The following RFESD variants were observed in gnomAD, a reference collection of about 807,000 sequenced individuals.
RFESD encodes Rieske Fe-S domain containing.
In RFESD, 16 loss-of-function variants were observed where a neutral mutation model predicts 24.4. The ratio of observed to expected loss-of-function variants is 0.66; its 90% CI spans 0.44 to 1.00. The LOEUF is 1.00. Ranked by LOEUF, RFESD falls within the 50% of genes least tolerant of loss-of-function variation. The probability of loss-of-function intolerance (pLI) is 0.00; values close to 1 mark genes in which losing one functional copy is unlikely to be tolerated. For synonymous variants in RFESD, 59 were observed against 81.8 expected (o/e 0.72, Z 1.50); for missense variants, 208 against 247.0 (o/e 0.84, Z 1.06).
chr5:95,654,012 C>A (rs1750543037), intron 3 of RFESD, 49 bp from the exon 4 acceptor site: 5 of 1,539,472 alleles, frequency 3.2e-6, no homozygotes, highest in Non-Finnish European at 4.4e-6. Flanking sequence ...TAAGCTGGAA[C>A]CAAATTAGTG....
rs1289984123 is a variant in RFESD, at chr5:95,653,150, C to G, written c.94C>G (p.Leu32Val). Reference protein sequence around the residue: ...GILFPKLLACLVHLHFGHFSS... With the variant: ...GILFPKLLACVVHLHFGHFSS... ...TCTCTTCCCCAAGCTGTTGGCATGT[C>G]TAGTTCATTTGCATTTTGGGCATTT... Residue 32 changes from leucine (L) to valine (V), a missense_variant, in exon 3 of 6, where the codon CTA (leucine) becomes GTA (valine). Physicochemically the swap from Leu to Val is conservative, Grantham distance 32. Transcript: ENST00000380005. 1 of 1,551,710 alleles carries G rather than the reference C, an allele frequency of 6.4e-7. No individual in the cohort carries two copies. The highest frequency in any genetic ancestry group is 1.4e-5 in the African/African-American group (1 of 73,190).
rs377419639 is a variant in RFESD, at chr5:95,656,230, C to A, written c.554C>A (p.Thr185Asn). 25 of 1,613,444 alleles carry A rather than the reference C, an allele frequency of 1.5e-5. No individual in the cohort carries two copies. The African/African-American group carries it at 2.4e-4, about 16-fold the overall frequency. ...VTVDNGNIYV[T>N]LSNEPFKCDS... ...GTAGACAACGGAAATATTTATGTGA[C>A]TCTTTCTAATGAACCTTTTAAGTGT... Residue 185 changes from threonine to asparagine, a missense_variant, in exon 6 of 6, where the codon ACT becomes AAT. Thr to Asn is a moderately conservative substitution (Grantham distance 65). Coordinates refer to ENST00000380005, the MANE Select transcript of RFESD (RefSeq NM_001131066.2).
chr5:95,650,524 T>A (rs1350395918), intron 1 of RFESD, among the ~76,000 whole-genome samples: 1 of 152,228 alleles, frequency 6.6e-6, no homozygotes, highest in East Asian at 1.9e-4. Flanking sequence ...TAAAGCTCAC[T>A]CCTAACACAC....
rs780145449 is a variant in RFESD at position 95,654,137 on chromosome 5, A to G, written c.235A>G (p.Ile79Val). 1.2e-6 allele frequency: 2 copies of G among 1,612,198 alleles called. No homozygotes were observed. Among genetic ancestry groups the G allele is most frequent in the Admixed American group, 1.7e-5 (1 of 59,998 alleles). ...TGTGTGTGTGGGCAGAGAAGATGAC[A>G]TTAAAAAATCTGAAAGAATGACAGC... ...SSVCVGREDD[I>V]KKSERMTAVV... The change falls in exon 4 of 6, where the codon ATT becomes GTT. Residue 79 changes from isoleucine to valine, a missense_variant. Ile to Val is a conservative substitution (Grantham distance 29). Transcript: ENST00000380005.
At chr5:95,652,010 C>A in intron 1 of RFESD, 127 bp from the exon 2 acceptor site, 1 of 360,060 alleles carries the variant, frequency 2.8e-6, no homozygotes, top group Non-Finnish European at 5.0e-6. Flanking sequence ...CTTTATAGAA[C>A]AACCAAAGTT....
intron 1 of RFESD, among the ~76,000 whole-genome samples, chr5:95,648,695 T>C (rs1486287055): frequency 6.6e-6 from 1 of 152,174 alleles, no homozygotes; most frequent in Non-Finnish European, 1.5e-5. Flanking sequence ...TCTTCTCTGC[T>C]CCTTTTTTAT....
In RFESD at chr5:95,657,578, C is replaced by T. The variant is rs952291686; in HGVS notation, c.*1269C>T. On this transcript the variant is annotated 3_prime_UTR_variant, in exon 6 of 6. Coordinates refer to ENST00000380005, the MANE Select transcript of RFESD (RefSeq NM_001131066.2). ...TCTAATACTTAACATTCTAAGGAGC[C>T]GACCTGGACTCTTTCTCTTGGTTAT... The T allele has an allele frequency of 1.3e-5, 2 of 151,938 alleles. No individual in the cohort carries two copies. The highest frequency in any genetic ancestry group is 2.9e-5 in the Non-Finnish European group (2 of 67,954). 9.4% of individuals were successfully genotyped at this position (151,938 alleles called of 1,614,324 possible). A position where few individuals can be genotyped will look rare whatever the true frequency, so the allele number is the denominator to read the frequency against.
chr5:95,654,287 A>C (rs373510843), intron 4 of RFESD, 46 bp from the exon 5 acceptor site: 4 of 1,609,086 alleles, frequency 2.5e-6, no homozygotes, highest in African/African-American at 1.3e-5. Context: ...AACTATCAAA[A>C]TTTCAGTTTT....
intron 1 of RFESD, chr5:95,647,136 C>T (rs1393825230): frequency 6.6e-6 from 1 of 152,182 alleles, no homozygotes; most frequent in African/African-American, 2.4e-5. Flanking sequence ...AGAAGCTGCT[C>T]CAGGGCTTCC....
intron 1 of RFESD, 132 bp from the exon 2 acceptor site, chr5:95,652,005 T>C (rs774318683): frequency 1.4e-5 from 5 of 356,244 alleles, no homozygotes; most frequent in Non-Finnish European, 2.5e-5. Flanking sequence ...CAACTCTTTA[T>C]AGAACAACCA....
At chr5:95,648,069 T>TG (rs533983028) in intron 1 of RFESD, 24 of 152,314 alleles carry the variant, frequency 1.6e-4, no homozygotes, top group African/African-American at 5.8e-4. Context: ...TCAAGACGAG[T>TG]GACAAGTAAG....
intron 1 of RFESD, chr5:95,648,078 A>C (rs1750178090): frequency 6.6e-6 from 1 of 152,226 alleles, no homozygotes; most frequent in Admixed American, 6.5e-5. Context: ...GTGACAAGTA[A>C]GTACGTTTCA....
chr5:95,656,139 A>C lies in RFESD; in HGVS notation c.463A>C (p.Lys155Gln), dbSNP rs766490188. ...AGGTCTGTACCAGTCTATAAACCCT[A>C]AAGATCCATCAGCAAAACCCAAGTG... ...GEGLYQSINP[K>Q]DPSAKPKWCS... The change falls in exon 6 of 6, where the codon AAA (lysine) becomes CAA (glutamine). Residue 155 changes from lysine (K) to glutamine (Q), a missense_variant. Coordinates refer to ENST00000380005, the MANE Select transcript of RFESD (RefSeq NM_001131066.2). 1 of 1,613,962 alleles carries C rather than the reference A, an allele frequency of 6.2e-7. No homozygotes were observed. Among genetic ancestry groups the C allele is most frequent in the Admixed American group, 1.7e-5 (1 of 60,014 alleles).
chr5:95,654,507 A>G (rs1049124941), intron 5 of RFESD, 140 bp downstream of exon 5: 7 of 657,096 alleles, frequency 1.1e-5, no homozygotes, highest in Non-Finnish European at 1.8e-5. Context: ...AATGAGAAAT[A>G]TGCTTATCTT....
At chr5:95,655,868 A>AG in intron 5 of RFESD, 178 bp from the exon 6 acceptor site, 2 of 578,498 alleles carry the variant, frequency 3.5e-6, no homozygotes, top group East Asian at 5.8e-5. Flanking sequence ...CAACTGTAAA[A>AG]GAGCTTGATG....
intron 1 of RFESD, among the ~76,000 whole-genome samples, chr5:95,649,945 T>C (rs957957006): frequency 6.6e-6 from 1 of 152,216 alleles, no homozygotes; most frequent in Non-Finnish European, 1.5e-5. Context: ...TTTTTCTTAT[T>C]ACCCCTCTGT....
Position 95,656,925 on chromosome 5 carries a change from T to C in RFESD, c.*616T>C, listed in dbSNP as rs1424990426. ...TCCTAAATAACAGACTTTTTATACT[T>C]AAAAAATGCCTCCAAAAATGAGATA... On this transcript the variant is annotated 3_prime_UTR_variant, in exon 6 of 6. Coordinates refer to ENST00000380005, the MANE Select transcript of RFESD (RefSeq NM_001131066.2). 6.6e-6 allele frequency: 1 copy of C among 152,116 alleles called. No homozygotes were observed. Among genetic ancestry groups the C allele is most frequent in the Non-Finnish European group, 1.5e-5 (1 of 67,998 alleles). 9.4% of individuals were successfully genotyped at this position (152,116 alleles called of 1,614,324 possible).
At chr5:95,653,016 C>T (rs995307172) in intron 2 of RFESD, 101 bp from the exon 3 acceptor site, 35 of 1,491,442 alleles carry the variant, frequency 2.3e-5, no homozygotes, top group Middle Eastern at 3.4e-4. Flanking sequence ...CAACCTGGCT[C>T]CTGCCTGTTT....
chr5:95,653,277 T>G (rs1750473718), intron 3 of RFESD, 63 bp downstream of exon 3: 1 of 1,545,994 alleles, frequency 6.5e-7, no homozygotes, highest in Non-Finnish European at 8.7e-7. Context: ...TATCTGGTTG[T>G]GCCTGTAAGA....
Sources: gnomAD v4.1 joint callset for allele counts (sites outside exome capture counted in the v4.1 genomes callset) on GRCh38, gnomAD v4.1.1 for gene constraint, MANE v1.5 for transcripts, NCBI Gene and HGNC (gene_info 2026-07-23, HGNC 2026-07-21) for gene names.